The following BEND7 variants were observed in gnomAD, a reference collection of about 807,000 sequenced individuals.
BEND7 encodes the protein BEN domain containing 7, also known as BEN domain-containing protein 7.
A neutral mutation model predicts 50.9 loss-of-function variants in BEND7; 28 were observed. The observed-to-expected ratio is 0.55, with a 90% CI of 0.41 to 0.75. The LOEUF is 0.75. Among genes scored for constraint, BEND7 ranks in the 30% least tolerant of loss-of-function variants. BEND7 has a pLI of 0.00. For synonymous variants in BEND7, 170 were observed against 183.9 expected (o/e 0.92, Z 0.61); for missense variants, 477 against 491.3 (o/e 0.97, Z 0.28).
chr10:13,440,509 T>G (rs1301767832), downstream of BEND7, among the ~76,000 whole-genome samples: 1 of 152,194 alleles, frequency 6.6e-6, no homozygotes, highest in African/African-American at 2.4e-5. Flanking sequence ...CCCAGGCCCC[T>G]GTAAAACCAG....
chr10:13,464,996 C>G (rs532083249), intron 6 of BEND7, among the ~76,000 whole-genome samples: 1 of 152,312 alleles, frequency 6.6e-6, no homozygotes, highest in South Asian at 2.1e-4. Flanking sequence ...TAAGGCCTAC[C>G]TGAGTTCGTT....
intron 2 of BEND7, chr10:13,500,885 C>T (rs748481551): frequency 2.6e-4 from 247 of 964,500 alleles, no homozygotes; most frequent in Non-Finnish European, 2.8e-4. Context: ...CCATGCCAAA[C>T]GCACTGCCAC....
intron 7 of BEND7, among the ~76,000 whole-genome samples, chr10:13,449,197 CAT>C (rs1837135091): frequency 6.6e-6 from 1 of 152,000 alleles, no homozygotes; most frequent in Non-Finnish European, 1.5e-5. Flanking sequence ...AAATAATGAA[CAT>C]ATGTTATGTT....
chr10:13,515,270 G>A (rs1276784073), intron 2 of BEND7, among the ~76,000 whole-genome samples: 3 of 152,140 alleles, frequency 2.0e-5, no homozygotes, highest in African/African-American at 4.8e-5. Context: ...TGTAGCATTC[G>A]ATTTTATGGA....
intron 2 of BEND7, among the ~76,000 whole-genome samples, chr10:13,515,515 T>G (rs2078602537): frequency 6.6e-6 from 1 of 152,262 alleles, no homozygotes; most frequent in African/African-American, 2.4e-5. Context: ...GGATATTGGT[T>G]GTATGGAATA....
chr10:13,466,219 G>A (rs1188710885), intron 6 of BEND7, among the ~76,000 whole-genome samples: 4 of 150,476 alleles, frequency 2.7e-5, no homozygotes, highest in African/African-American at 4.9e-5. Flanking sequence ...ATGTTTGACC[G>A]TTGAATCCAT....
At chr10:13,480,632 GA>G (rs971843689) in intron 6 of BEND7, 3 of 983,752 alleles carry the variant, frequency 3.0e-6, no homozygotes, top group African/African-American at 3.5e-5. Context: ...TAAAAGTCAA[GA>G]AAAAACTTCT....
rs149082957 is a variant in BEND7, at chr10:13,447,332, A to G, written c.1184-16T>C. The stretch of plus-strand genomic sequence containing the variant: ...TCCGCGATCTCTGCTGGTTACAAAC[A>G]TAAGACACAAATCTCATTAGTTCCA... On this transcript the variant is annotated splice_polypyrimidine_tract_variant and intron_variant, in intron 7 of 8. Coordinates refer to ENST00000466271, the MANE Select transcript of BEND7 (RefSeq NM_001369863.1). 2.1e-4 allele frequency: 346 copies of G among 1,613,966 alleles called. 2 individuals are homozygous for G. The East Asian group carries it at 6.4e-3, about 30-fold the overall frequency.
intron 2 of BEND7, among the ~76,000 whole-genome samples, chr10:13,503,761 A>G (rs982204973): frequency 6.6e-6 from 1 of 152,132 alleles, no homozygotes; most frequent in Non-Finnish European, 1.5e-5. Context: ...TGGAACACAG[A>G]AAACTGCAGT....
At chr10:13,504,888 C>G (rs1214005335) in intron 2 of BEND7, among the ~76,000 whole-genome samples, 2 of 152,204 alleles carry the variant, frequency 1.3e-5, no homozygotes, top group Non-Finnish European at 2.9e-5. Context: ...TCTACTAGAT[C>G]ACGTTCCTTT....
At chr10:13,522,651 T>C (rs972315713) in intron 2 of BEND7, among the ~76,000 whole-genome samples, 1 of 152,244 alleles carries the variant, frequency 6.6e-6, no homozygotes, top group Non-Finnish European at 1.5e-5. Context: ...GAATCTTTCC[T>C]GTAGTTCAAC....
downstream of BEND7, among the ~76,000 whole-genome samples, chr10:13,440,740 G>A (rs1835218400): frequency 6.6e-6 from 1 of 152,266 alleles, no homozygotes; most frequent in Non-Finnish European, 1.5e-5. Flanking sequence ...CGTCTGATGT[G>A]TTGTTTCCAT....
At chr10:13,507,770 C>T (rs1201689342) in intron 2 of BEND7, among the ~76,000 whole-genome samples, 2 of 152,160 alleles carry the variant, frequency 1.3e-5, no homozygotes, top group African/African-American at 4.8e-5. Context: ...AATGAGAATG[C>T]ATCTCTGTTT....
chr10:13,490,239 T>A (rs939789965), intron 5 of BEND7, among the ~76,000 whole-genome samples: 1 of 152,236 alleles, frequency 6.6e-6, no homozygotes. Context: ...ACAAAAGCGA[T>A]AAAGCATGGG....
intron 8 of BEND7, chr10:13,443,171 G>A (rs1459073072): frequency 6.6e-6 from 1 of 152,530 alleles, no homozygotes; most frequent in Non-Finnish European, 1.5e-5. Flanking sequence ...TACCAGATTG[G>A]AGGCTTGGTT....
chr10:13,447,368 T>C (rs1404880374), intron 7 of BEND7, 52 bp from the exon 8 acceptor site: 2 of 1,582,946 alleles, frequency 1.3e-6, no homozygotes, highest in Admixed American at 3.4e-5. Context: ...GGGAGCACAT[T>C]CATTTTACAG....
chr10:13,499,695 T>A, intron 3 of BEND7, 83 bp downstream of exon 3: 1 of 1,387,074 alleles, frequency 7.2e-7, no homozygotes, highest in Non-Finnish European at 9.5e-7. Context: ...GTTTAATAAA[T>A]TGAACTCAAC....
intron 4 of BEND7, among the ~76,000 whole-genome samples, chr10:13,495,027 G>A (rs973439481): frequency 1.3e-5 from 2 of 152,154 alleles, no homozygotes; most frequent in African/African-American, 4.8e-5. Flanking sequence ...AAAACATAGC[G>A]ACAAAGTGGC....
Position 13,444,082 on chromosome 10 carries a change from A to C in BEND7, c.1235-2332T>G, listed in dbSNP as rs572231201. ...TTCTCTATACTTTTTTTTTTAATGCAAATTGTCCCCAGCTCCTGGGTGGCT... is the reference window on the plus strand; with the variant it reads ...TTCTCTATACTTTTTTTTTTAATGCCAATTGTCCCCAGCTCCTGGGTGGCT... On this transcript the variant is annotated intron_variant, in intron 8 of 8. Transcript: ENST00000466271. 8 of 152,012 alleles carry C rather than the reference A, an allele frequency of 5.3e-5. No homozygotes were observed. The South Asian group carries it at 1.7e-3, about 32-fold the overall frequency. The allele number at this position is 152,012 out of a possible 1,614,324, so 9.4% of individuals were successfully genotyped here. A position where few individuals can be genotyped will look rare whatever the true frequency, so the allele number is the denominator to read the frequency against.
Sources: gnomAD v4.1 joint callset for allele counts (sites outside exome capture counted in the v4.1 genomes callset) on GRCh38, gnomAD v4.1.1 for gene constraint, MANE v1.5 for transcripts, NCBI Gene and HGNC (gene_info 2026-07-23, HGNC 2026-07-21) for gene names.